The following COL23A1 variants were observed in gnomAD, a reference collection of about 807,000 sequenced individuals.
The protein encoded by COL23A1 is collagen alpha-1(XXIII) chain.
A neutral mutation model predicts 99.3 loss-of-function variants in COL23A1; 97 were observed. The ratio of observed to expected loss-of-function variants is 0.98; its 90% confidence interval spans 0.83 to 1.16. COL23A1 has a LOEUF of 1.16. COL23A1 is among the 50% of genes most tolerant of loss of function. COL23A1 has a pLI of 0.00. For missense variants in COL23A1, 762 were observed against 757.4 expected (o/e 1.01, Z -0.07); for synonymous variants, 320 against 308.2 (o/e 1.04, Z -0.40).
At chr5:178,361,686 G>A (rs753351883) in intron 2 of COL23A1, among the ~76,000 whole-genome samples, 7 of 152,010 alleles carry the variant, frequency 4.6e-5, no homozygotes, top group Admixed American at 2.0e-4. Context: ...CAACCCTGAC[G>A]GCTCCCAATT....
rs1678509248 is a variant in COL23A1, at chr5:178,317,694, T to A, written c.362-10775A>T. 3.3e-5 allele frequency among the ~76,000 whole-genome samples: 5 copies of A among 152,188 alleles called. No homozygotes were observed. The South Asian group carries it at 1.0e-3, about 31-fold the overall frequency. On this transcript the variant is annotated intron_variant, in intron 2 of 28. Coordinates refer to ENST00000390654, the MANE Select transcript of COL23A1 (RefSeq NM_173465.4). ...AAGATCTCTGAGAGTGGCGCCCAGG[T>A]TATGCCTTGCCAATGGGTTGGGGAG...
chr5:178,319,250 C>T (rs1759150307), intron 2 of COL23A1, among the ~76,000 whole-genome samples: 1 of 152,192 alleles, frequency 6.6e-6, no homozygotes, highest in Non-Finnish European at 1.5e-5. Flanking sequence ...GGAAAACAGG[C>T]TCCAGAGAGG....
chr5:178,312,184 C>A (rs1457826828), intron 2 of COL23A1, among the ~76,000 whole-genome samples: 2 of 152,192 alleles, frequency 1.3e-5, no homozygotes, highest in East Asian at 3.9e-4. Flanking sequence ...CCGTGGGAAG[C>A]CGGGAGCTTT....
chr5:178,293,070 T>C (rs115592167), intron 3 of COL23A1, among the ~76,000 whole-genome samples: 1,565 of 151,836 alleles, frequency 0.01, 32 homozygotes, highest in African/African-American at 0.035. Flanking sequence ...TTGAGGGATG[T>C]GGACAGTGGG....
intron 2 of COL23A1, among the ~76,000 whole-genome samples, chr5:178,537,104 G>A (rs371797843): frequency 3.9e-5 from 6 of 152,370 alleles, no homozygotes; most frequent in East Asian, 3.9e-4. Context: ...GGAACACAGC[G>A]GGTGACATGA....
intron 2 of COL23A1, among the ~76,000 whole-genome samples, chr5:178,535,956 C>T (rs1030053356): frequency 6.6e-6 from 1 of 152,264 alleles, no homozygotes; most frequent in South Asian, 2.1e-4. Flanking sequence ...CCTGGATTCC[C>T]AGGACCCGAG....
intron 2 of COL23A1, among the ~76,000 whole-genome samples, chr5:178,398,768 G>A (rs1040470954): frequency 1.3e-5 from 2 of 152,186 alleles, no homozygotes; most frequent in Admixed American, 6.5e-5. Flanking sequence ...AAATTAAAAG[G>A]CCTCTTTCAG....
Position 178,238,710 on chromosome 5 carries a change from G to C in COL23A1, c.1621-10C>G. On this transcript the variant is annotated splice_polypyrimidine_tract_variant and intron_variant, in intron 28 of 28. Coordinates refer to ENST00000390654, the MANE Select transcript of COL23A1 (RefSeq NM_173465.4). Reference sequence around the variant, plus strand: ...CTGGGCCTGTGGGTCACTGGAAAAGGAGGAAGAGACTGAAGGTGACGAGGA... The same window carrying C: ...CTGGGCCTGTGGGTCACTGGAAAAGCAGGAAGAGACTGAAGGTGACGAGGA... 1 of 1,612,128 alleles carries C rather than the reference G, an allele frequency of 6.2e-7. No homozygotes were observed. The highest frequency in any genetic ancestry group is 8.5e-7 in the Non-Finnish European group (1 of 1,179,948).
At chr5:178,464,040 C>G (rs530453855) in intron 2 of COL23A1, among the ~76,000 whole-genome samples, 2 of 152,312 alleles carry the variant, frequency 1.3e-5, no homozygotes, top group Admixed American at 1.3e-4. Context: ...TCACCTACCC[C>G]CTTTTACTGC....
intron 1 of COL23A1, among the ~76,000 whole-genome samples, chr5:178,580,195 G>A (rs1287075506): frequency 6.6e-6 from 1 of 152,140 alleles, no homozygotes; most frequent in East Asian, 1.9e-4. Context: ...GGGTGTGATG[G>A]CGCATGCCTG....
At chr5:178,257,057 A>C (rs938607988) in intron 13 of COL23A1, 129 bp from the exon 14 acceptor site, 4 of 793,808 alleles carry the variant, frequency 5.0e-6, no homozygotes, top group African/African-American at 1.7e-5. Flanking sequence ...TACTGAGTCC[A>C]TGGGGGGTGT....
At chr5:178,323,231 T>G (rs1234725170) in intron 2 of COL23A1, among the ~76,000 whole-genome samples, 1 of 152,136 alleles carries the variant, frequency 6.6e-6, no homozygotes, top group African/African-American at 2.4e-5. Flanking sequence ...CTCGCTGGCC[T>G]GTCTCTGGGG....
intron 2 of COL23A1, among the ~76,000 whole-genome samples, chr5:178,403,574 G>A (rs76046188): frequency 6.6e-6 from 1 of 152,158 alleles, no homozygotes; most frequent in Non-Finnish European, 1.5e-5. Context: ...CATATGCCAG[G>A]GCTCACAATG....
chr5:178,270,692 C>G (rs1756240253), intron 5 of COL23A1, among the ~76,000 whole-genome samples: 2 of 152,284 alleles, frequency 1.3e-5, no homozygotes, highest in East Asian at 1.9e-4. Context: ...AGCCTGGGAT[C>G]CAAGGCGAGC....
intron 2 of COL23A1, among the ~76,000 whole-genome samples, chr5:178,423,823 G>A (rs1339776933): frequency 6.6e-6 from 1 of 152,152 alleles, no homozygotes; most frequent in African/African-American, 2.4e-5. Flanking sequence ...GCCTGCCCAT[G>A]ACGCTGTGCC....
chr5:178,470,659 G>A (rs1015432184), intron 2 of COL23A1, among the ~76,000 whole-genome samples: 8 of 152,206 alleles, frequency 5.3e-5, no homozygotes, highest in Admixed American at 4.6e-4. Context: ...GGAAACACCC[G>A]CTCATACGAC....
intron 1 of COL23A1, among the ~76,000 whole-genome samples, chr5:178,585,625 T>TG (rs372753732): frequency 1.3e-3 from 177 of 134,422 alleles, no homozygotes; most frequent in African/African-American, 2.1e-3. Context: ...TGGATGGCGC[T>TG]GGGGTAACAC....
At chr5:178,252,481 G>A (rs1765087930) in intron 17 of COL23A1, 63 bp downstream of exon 17, 2 of 1,479,014 alleles carry the variant, frequency 1.4e-6, no homozygotes. Context: ...GAGCAGACAG[G>A]AAGAGGGAGG....
chr5:178,337,172 G>A (rs994796277), intron 2 of COL23A1, among the ~76,000 whole-genome samples: 4 of 152,220 alleles, frequency 2.6e-5, no homozygotes, highest in East Asian at 1.9e-4. Flanking sequence ...GGCCGGCCTC[G>A]CTCATCTGAG....
Sources: allele counts gnomAD v4.1 joint callset (sites outside exome capture counted in the v4.1 genomes callset), GRCh38; gene constraint gnomAD v4.1.1; transcripts MANE v1.5; gene names NCBI Gene and HGNC (gene_info 2026-07-23, HGNC 2026-07-21).